The following DNAH8 variants were observed in gnomAD, a reference collection of about 807,000 sequenced individuals.
DNAH8 encodes axonemal beta dynein heavy chain 8.
DNAH8 carries 382 observed loss-of-function variants against 562.1 expected under a neutral mutation model. That is an observed-to-expected ratio of 0.68 (90% confidence interval 0.63 to 0.74). DNAH8 has a LOEUF of 0.74. DNAH8 is among the 30% of genes least tolerant of loss of function. The probability of loss-of-function intolerance (pLI) is 0.00; values close to 1 mark genes in which losing one functional copy is unlikely to be tolerated. For synonymous variants in DNAH8, 1,881 were observed against 1,919.4 expected (o/e 0.98, Z 0.52); for missense variants, 5,203 against 5,620.4 (o/e 0.93, Z 2.37).
chr6:38,871,374 A>G (rs1777453617), intron 49 of DNAH8, among the ~76,000 whole-genome samples: 2 of 152,216 alleles, frequency 1.3e-5, no homozygotes, highest in East Asian at 1.9e-4. Context: ...GAGTTTAAAA[A>G]ATTTCTGGGA....
intron 30 of DNAH8, among the ~76,000 whole-genome samples, chr6:38,829,150 A>T (rs1257690315): frequency 1.3e-5 from 2 of 152,280 alleles, no homozygotes; most frequent in South Asian, 2.1e-4. Context: ...GAGAGATGTG[A>T]ATTTAAATCC....
chr6:38,911,613 G>T, intron 66 of DNAH8, 27 bp downstream of exon 66: 1 of 1,449,762 alleles, frequency 6.9e-7, no homozygotes, highest in East Asian at 2.3e-5. Context: ...GGAATGGGAT[G>T]GAATAGAAAT....
At chr6:38,998,734 A>G (rs1765299635) in intron 88 of DNAH8, among the ~76,000 whole-genome samples, 1 of 152,166 alleles carries the variant, frequency 6.6e-6, no homozygotes, top group South Asian at 2.1e-4. Flanking sequence ...CTGACTTCCC[A>G]GAACCACCAA....
intron 24 of DNAH8, among the ~76,000 whole-genome samples, chr6:38,813,061 A>C (rs1771937653): frequency 6.6e-6 from 1 of 152,124 alleles, no homozygotes; most frequent in Non-Finnish European, 1.5e-5. Flanking sequence ...TTGCACCTGA[A>C]ATTTTGGAGA....
chr6:38,844,159 T>G (rs1405201072), intron 35 of DNAH8, among the ~76,000 whole-genome samples: 4 of 152,122 alleles, frequency 2.6e-5, no homozygotes, highest in African/African-American at 4.8e-5. Flanking sequence ...CTCCTTTTCC[T>G]ATAGATCATT....
At chr6:38,889,897 TC>T (rs11299708) in intron 57 of DNAH8, among the ~76,000 whole-genome samples, 64,307 of 151,934 alleles carry the variant, frequency 0.42, 14,222 homozygotes, top group East Asian at 0.69. Context: ...ATATTCATAT[TC>T]CTCTGAGAAT....
chr6:38,999,823 T>C lies in DNAH8; in HGVS notation c.13215-8991T>C, dbSNP rs151273701. On this transcript the variant is annotated intron_variant, in intron 88 of 92. Transcript: ENST00000327475. ...TATAGATGTATTTATTATTATATTG[T>C]ATTGTCATATTATATAATAGATATA... Among the ~76,000 whole-genome samples, 303 of 151,492 alleles carry C rather than the reference T, an allele frequency of 2.0e-3. 1 individual carries two copies. The highest frequency in any genetic ancestry group is 6.9e-3 in the African/African-American group (285 of 41,392).
At chr6:38,917,889 C>T in intron 69 of DNAH8, 36 bp from the exon 70 acceptor site, 1 of 1,487,272 alleles carries the variant, frequency 6.7e-7, no homozygotes, top group Non-Finnish European at 9.2e-7. Flanking sequence ...AAAGTATTTT[C>T]TTCCAGAACT....
chr6:38,973,554 CA>C (rs936041878), intron 83 of DNAH8, 106 bp from the exon 84 acceptor site: 1 of 814,348 alleles, frequency 1.2e-6, no homozygotes, highest in African/African-American at 1.8e-5. Flanking sequence ...AAAATGTGTT[CA>C]AAACAGAGTA....
intron 2 of DNAH8, 26 bp downstream of exon 2, chr6:38,723,225 G>C (rs1271817985): frequency 6.3e-7 from 1 of 1,589,554 alleles, no homozygotes; most frequent in Non-Finnish European, 8.5e-7. Context: ...GATTTTTCAT[G>C]TGTGCCACTT....
In DNAH8 at chr6:38,883,897, G is replaced by A. The variant is rs1301374653; in HGVS notation, c.8158G>A (p.Asp2720Asn). Residue 2720 changes from aspartate (D) to asparagine (N), a missense_variant, in exon 56 of 93, where the codon GAT becomes AAT. Physicochemically the swap from Asp to Asn is conservative, Grantham distance 23 (BLOSUM62 1). Coordinates refer to ENST00000327475, the MANE Select transcript of DNAH8 (RefSeq NM_001206927.2). ...CTAGAGAACAATTGAAAGCTACGTG[G>A]ATAAGCGAATTGGAAGCACATATGG... ...MFQRTIESYV[D>N]KRIGSTYGPP... is the part of the protein sequence containing the mutation. 3 of 1,587,672 alleles carry A rather than the reference G, an allele frequency of 1.9e-6. No homozygotes were observed. The highest frequency in any genetic ancestry group is 1.7e-5 in the Admixed American group (1 of 57,962).
intron 75 of DNAH8, among the ~76,000 whole-genome samples, chr6:38,930,234 G>C (rs1782452195): frequency 6.6e-6 from 1 of 151,998 alleles, no homozygotes; most frequent in Non-Finnish European, 1.5e-5. Context: ...ATGGAATATT[G>C]TTCTCAATTG....
chr6:38,722,826 A>T lies in DNAH8; in HGVS notation c.17A>T (p.Glu6Val). Residue 6 changes from glutamate (E) to valine (V), a missense_variant, in exon 2 of 93, where the codon GAA (glutamate) becomes GTA (valine). Coordinates refer to ENST00000327475, the MANE Select transcript of DNAH8 (RefSeq NM_001206927.2). ...CGACGGGGGATGGAGAAGGATGCTG[A>T]AGATGGCGCCCCTTCTGAGGGAGCA... MEKDA[E>V]DGAPSEGAEA... The T allele has an allele frequency of 1.3e-6, 2 of 1,592,798 alleles. No individual in the cohort carries two copies. The highest frequency in any genetic ancestry group is 1.7e-6 in the Non-Finnish European group (2 of 1,170,674).
Position 38,826,363 on chromosome 6 carries a change from A to G in DNAH8, c.4055A>G (p.Gln1352Arg), listed in dbSNP as rs1395717857. ...TCTTGCATACGTGATAATGAAATTC[A>G]AATGGACATGACTTTGGGACCAATT... Reference protein sequence around the residue: ...ALSCIRDNEIQMDMTLGPIEE... With the variant: ...ALSCIRDNEIRMDMTLGPIEE... Residue 1352 changes from glutamine (Q) to arginine (R), a missense_variant, in exon 29 of 93, where the codon CAA becomes CGA. Transcript: ENST00000327475. 1 of 1,610,488 alleles carries G rather than the reference A, an allele frequency of 6.2e-7. No individual in the cohort carries two copies. The highest frequency in any genetic ancestry group is 8.5e-7 in the Non-Finnish European group (1 of 1,178,634).
At chr6:38,783,839 G>A (rs1243165296) in intron 17 of DNAH8, among the ~76,000 whole-genome samples, 2 of 152,090 alleles carry the variant, frequency 1.3e-5, no homozygotes, top group Admixed American at 1.3e-4. Flanking sequence ...ACGTGACCTT[G>A]GTGGACCCCT....
chr6:38,849,084 C>T (rs990206144), intron 37 of DNAH8, among the ~76,000 whole-genome samples: 2 of 151,968 alleles, frequency 1.3e-5, no homozygotes, highest in Admixed American at 1.3e-4. Flanking sequence ...ACTATCTGGC[C>T]CTTCACAGAA....
At chr6:38,862,513 A>G in intron 44 of DNAH8, 55 bp downstream of exon 44, 1 of 1,543,644 alleles carries the variant, frequency 6.5e-7, no homozygotes, top group South Asian at 1.2e-5. Context: ...ATTGCCTTTT[A>G]ATGTTATTTT....
At chr6:38,763,661 G>T (rs774035453) in intron 11 of DNAH8, 1 of 173,968 alleles carries the variant, frequency 5.7e-6, no homozygotes, top group African/African-American at 2.4e-5. Context: ...AAAAAACTTA[G>T]CCAGGTGTGT....
intron 85 of DNAH8, among the ~76,000 whole-genome samples, chr6:38,981,768 C>G (rs898961774): frequency 6.6e-6 from 1 of 152,110 alleles, no homozygotes; most frequent in Non-Finnish European, 1.5e-5. Context: ...CAGTGGAGAC[C>G]TAGACTTTTT....
Sources: gnomAD v4.1 joint callset for allele counts (sites outside exome capture counted in the v4.1 genomes callset) on GRCh38, gnomAD v4.1.1 for gene constraint, MANE v1.5 for transcripts, NCBI Gene and HGNC (gene_info 2026-07-23, HGNC 2026-07-21) for gene names.